SSU72L3: variants seen among roughly 807,000 people sequenced by gnomAD.
The protein encoded by SSU72L3 is SSU72 like 3.
At chr11:4,329,893 T>G in the SSU72L3 span, 1 of 728,040 alleles carries the variant, frequency 1.4e-6, no homozygotes, top group Non-Finnish European at 2.5e-6. Flanking sequence ...AGGGTGGCTG[T>G]GGTGTGCGTG....
chr11:4,330,330 T>A, the SSU72L3 span: 1 of 760,538 alleles, frequency 1.3e-6, no homozygotes. Flanking sequence ...TTTCCTCATC[T>A]GTGAGATTTG....
chr11:4,330,457 G>A, the SSU72L3 span: 185,825 of 612,882 alleles, frequency 0.3, 17,908 homozygotes, highest in East Asian at 0.41. Flanking sequence ...TGAACATCTG[G>A]GCTGGCTTTG....
the SSU72L3 span, chr11:4,329,877 C>A: frequency 2.7e-3 from 1,954 of 720,530 alleles, 66 homozygotes; most frequent in East Asian, 0.025. Context: ...GCTCTCCTCC[C>A]CACTCAGGGT....
the SSU72L3 span, chr11:4,330,400 T>A: frequency 1.3e-6 from 1 of 750,710 alleles, no homozygotes; most frequent in Admixed American, 1.8e-5. Flanking sequence ...CTGTTGCAAA[T>A]GGAGGAGAAG....
At chr11:4,329,953 G>A in the SSU72L3 span, 26 of 743,586 alleles carry the variant, frequency 3.5e-5, no homozygotes, top group Middle Eastern at 3.5e-4. Flanking sequence ...AGGAGAAAAG[G>A]GCTAAGTGTC....
At chr11:4,330,309 A>G in the SSU72L3 span, 1 of 761,044 alleles carries the variant, frequency 1.3e-6, no homozygotes, top group Non-Finnish European at 2.4e-6. Flanking sequence ...GGAAGATGCC[A>G]CCCTGGGAGC....
At chr11:4,330,463 C>A in the SSU72L3 span, 2 of 615,422 alleles carry the variant, frequency 3.2e-6, no homozygotes, top group Admixed American at 2.9e-5. Flanking sequence ...TCTGGGCTGG[C>A]TTTGTCCCCT....
chr11:4,330,850 A>G, the SSU72L3 span, among the ~76,000 whole-genome samples: 1 of 152,054 alleles, frequency 6.6e-6, no homozygotes, highest in East Asian at 1.9e-4. Context: ...TTTTAAATAA[A>G]CTTCCTTTTC....
At chr11:4,330,705 A>C in the SSU72L3 span, among the ~76,000 whole-genome samples, 6 of 152,202 alleles carry the variant, frequency 3.9e-5, no homozygotes, top group Admixed American at 3.9e-4. Context: ...TTTCATGCTT[A>C]TATCATTCTA....
the SSU72L3 span, among the ~76,000 whole-genome samples, chr11:4,330,682 A>G: frequency 1.3e-5 from 2 of 152,158 alleles, no homozygotes; most frequent in African/African-American, 2.4e-5. Flanking sequence ...GGTGCATTAC[A>G]TGGGATAACT....
chr11:4,330,647 C>G, the SSU72L3 span, among the ~76,000 whole-genome samples: 1 of 152,078 alleles, frequency 6.6e-6, no homozygotes, highest in African/African-American at 2.4e-5. Flanking sequence ...TTTAAAAGCA[C>G]TGAAAAATGC....
chr11:4,330,316 G>A, the SSU72L3 span: 2 of 761,200 alleles, frequency 2.6e-6, no homozygotes. Context: ...GCCACCCTGG[G>A]AGCTTTCCTC....
chr11:4,329,880 C>A, the SSU72L3 span: 1 of 724,434 alleles, frequency 1.4e-6, no homozygotes, highest in Non-Finnish European at 2.5e-6. Context: ...CTCCTCCCCA[C>A]TCAGGGTGGC....
At chr11:4,330,407 G>A in the SSU72L3 span, 3 of 736,856 alleles carry the variant, frequency 4.1e-6, no homozygotes, top group South Asian at 1.4e-5. Flanking sequence ...AAATGGAGGA[G>A]AAGGCAGGAA....
the SSU72L3 span, chr11:4,329,907 A>C: frequency 2.7e-6 from 2 of 729,658 alleles, no homozygotes; most frequent in African/African-American, 1.8e-5. Flanking sequence ...GTGCGTGAGC[A>C]ATGTCAACAG....
chr11:4,330,854 C>G, the SSU72L3 span, among the ~76,000 whole-genome samples: 1 of 151,984 alleles, frequency 6.6e-6, no homozygotes, highest in Non-Finnish European at 1.5e-5. Context: ...AAATAAACTT[C>G]CTTTTCTCAA....
At chr11:4,330,019 C>T in the SSU72L3 span, 4 of 774,750 alleles carry the variant, frequency 5.2e-6, no homozygotes, top group African/African-American at 1.7e-5. Context: ...CCCAATCGTC[C>T]TGTAGTTTAT....
chr11:4,330,289 A>T, the SSU72L3 span: 1 of 759,262 alleles, frequency 1.3e-6, no homozygotes, highest in Non-Finnish European at 2.4e-6. Context: ...ATGGACATCC[A>T]AGATACCCTG....
the SSU72L3 span, chr11:4,330,418 A>G: frequency 8.4e-6 from 6 of 717,930 alleles, no homozygotes; most frequent in Non-Finnish European, 1.5e-5. Context: ...AAGGCAGGAA[A>G]AAGCTTTCTT....
Sources: gnomAD v4.1 joint callset for allele counts (sites outside exome capture counted in the v4.1 genomes callset) on GRCh38, gnomAD v4.1.1 for gene constraint, MANE v1.5 for transcripts, NCBI Gene and HGNC (gene_info 2026-07-23, HGNC 2026-07-21) for gene names.